Variants in FAR2 observed in about 807,000 individuals in gnomAD.
FAR2 encodes fatty acyl-CoA reductase 2, also known as epididymis secretory protein Li 81.
FAR2 carries 19 observed loss-of-function variants against 56.0 expected under a neutral mutation model. The ratio of observed to expected loss-of-function variants is 0.34; its 90% CI spans 0.24 to 0.50. The LOEUF (loss-of-function observed/expected upper bound fraction) is 0.50. Among genes scored for constraint, FAR2 ranks in the 20% least tolerant of loss-of-function variants. The probability of loss-of-function intolerance (pLI) is 0.98; values close to 1 mark genes in which losing one functional copy is unlikely to be tolerated. For synonymous variants in FAR2, 219 were observed against 218.8 expected (o/e 1.00, Z -0.01); for missense variants, 508 against 642.2 (o/e 0.79, Z 2.26).
In FAR2 at chr12:29,190,647, T is replaced by A. The variant is rs954698541; in HGVS notation, c.-39+41240T>A. Among the ~76,000 whole-genome samples the A allele has an allele frequency of 7.9e-5, 12 of 151,964 alleles. 1 individual carries two copies. Among genetic ancestry groups the A allele is most frequent in the African/African-American group, 2.9e-4 (12 of 41,378 alleles). The stretch of plus-strand genomic sequence containing the variant: ...ACCCGGCTAATTTTTTGTAGTTTAG[T>A]AGAGACGGGTTTTCACTGTGTTAGC... On this transcript the variant is annotated intron_variant, in intron 1 of 11. Coordinates refer to ENST00000536681, the MANE Select transcript of FAR2 (RefSeq NM_001271783.2).
chr12:29,194,053 T>C (rs1238451299), intron 1 of FAR2, among the ~76,000 whole-genome samples: 3 of 152,178 alleles, frequency 2.0e-5, no homozygotes, highest in Non-Finnish European at 4.4e-5. Context: ...GGCATGTCAA[T>C]TTTCTCTTGC....
intron 1 of FAR2, among the ~76,000 whole-genome samples, chr12:29,193,092 T>G (rs1950115708): frequency 6.6e-6 from 1 of 152,192 alleles, no homozygotes; most frequent in Non-Finnish European, 1.5e-5. Flanking sequence ...GCTTTTATTT[T>G]TTTTTAGCAG....
At chr12:29,206,885 G>A (rs1947482780) in intron 1 of FAR2, among the ~76,000 whole-genome samples, 1 of 151,944 alleles carries the variant, frequency 6.6e-6, no homozygotes, top group Non-Finnish European at 1.5e-5. Context: ...AACCCACCCT[G>A]GACATAAGGG....
chr12:29,260,465 G>A (rs1462097883), intron 1 of FAR2, among the ~76,000 whole-genome samples: 1 of 152,200 alleles, frequency 6.6e-6, no homozygotes, highest in Admixed American at 6.5e-5. Context: ...AAAGCACTCA[G>A]TGTACTCTGC....
rs190496117 is a variant in FAR2, at chr12:29,189,289, A to C, written c.-39+39882A>C. Among the ~76,000 whole-genome samples the C allele has an allele frequency of 1.4e-3, 213 of 152,358 alleles. 1 individual carries two copies. The South Asian group carries it at 0.02, about 14-fold the overall frequency. On this transcript the variant is annotated intron_variant, in intron 1 of 11. Coordinates refer to ENST00000536681, the MANE Select transcript of FAR2 (RefSeq NM_001271783.2). The stretch of plus-strand genomic sequence containing the variant: ...ATAATTATATCATACTTTGTGTAAT[A>C]ATCCAAATACTACGTTATTTATTTT...
intron 1 of FAR2, among the ~76,000 whole-genome samples, chr12:29,221,325 A>C (rs574453834): frequency 6.6e-6 from 1 of 152,132 alleles, no homozygotes; most frequent in South Asian, 2.1e-4. Flanking sequence ...CCTGACCATC[A>C]TCTGATGGTT....
At chr12:29,319,252 A>C (rs573889558) in intron 9 of FAR2, among the ~76,000 whole-genome samples, 18 of 152,022 alleles carry the variant, frequency 1.2e-4, no homozygotes, top group Non-Finnish European at 1.5e-4. Context: ...CGGCCTCCCA[A>C]AGTGCTGGGA....
intron 2 of FAR2, among the ~76,000 whole-genome samples, chr12:29,271,549 G>A (rs950228110): frequency 1.3e-5 from 2 of 152,186 alleles, no homozygotes; most frequent in Non-Finnish European, 2.9e-5. Context: ...TTTCCAGTGT[G>A]TAGGAATGTT....
chr12:29,184,330 G>C (rs1300947485), intron 1 of FAR2, among the ~76,000 whole-genome samples: 1 of 147,758 alleles, frequency 6.8e-6, no homozygotes, highest in African/African-American at 2.5e-5. Context: ...CAGAGTTCAA[G>C]ACTGTACTTC....
intron 1 of FAR2, among the ~76,000 whole-genome samples, chr12:29,254,090 G>T (rs1948276919): frequency 6.6e-6 from 1 of 152,122 alleles, no homozygotes; most frequent in Non-Finnish European, 1.5e-5. Context: ...TTCCAAATTG[G>T]TTTTTCTTGA....
At chr12:29,216,554 A>G (rs1947623697) in intron 1 of FAR2, among the ~76,000 whole-genome samples, 1 of 152,176 alleles carries the variant, frequency 6.6e-6, no homozygotes, top group African/African-American at 2.4e-5. Context: ...AAAATTTTAC[A>G]TGTGAGCGCC....
rs184167155 is a variant in FAR2 at position 29,253,189 on chromosome 12, A to C, written c.-38-17223A>C. Among the ~76,000 whole-genome samples the C allele has an allele frequency of 1.5e-3, 148 of 97,694 alleles. 9 individuals are homozygous for C. In the South Asian group the frequency reaches 0.017, roughly 11 times the overall value. 64.1% of individuals were successfully genotyped at this position (97,694 alleles called of 152,430 possible). On this transcript the variant is annotated intron_variant, in intron 1 of 11. Transcript: ENST00000536681. The stretch of plus-strand genomic sequence containing the variant: ...TCTTTCTCTCCCTATCTCTCTCTCT[A>C]TCTATCTATCTAGATAGGTATCTAT...
At chr12:29,209,883 T>A (rs1947523532) in intron 1 of FAR2, among the ~76,000 whole-genome samples, 1 of 152,184 alleles carries the variant, frequency 6.6e-6, no homozygotes, top group African/African-American at 2.4e-5. Flanking sequence ...TTTCTTATGC[T>A]TTTCTTACTT....
At chr12:29,190,018 A>G (rs1200346402) in intron 1 of FAR2, among the ~76,000 whole-genome samples, 2 of 152,148 alleles carry the variant, frequency 1.3e-5, no homozygotes, top group Admixed American at 6.5e-5. Flanking sequence ...AGGACAACTC[A>G]TGGATTGGAG....
rs1031562847 is a variant in FAR2 at position 29,332,750 on chromosome 12, T to C, written c.1385+23T>C. 5 of 1,603,852 alleles carry C rather than the reference T, an allele frequency of 3.1e-6. No homozygotes were observed. The African/African-American group carries it at 4.0e-5, about 13-fold the overall frequency. On this transcript the variant is annotated intron_variant, in intron 11 of 11. Coordinates refer to ENST00000536681, the MANE Select transcript of FAR2 (RefSeq NM_001271783.2). Reference sequence around the variant, plus strand: ...AAGGTAAGTATAATCAGTCAGTTAATATTTATTGAGCACCTACTGTGCATC... The same window carrying C: ...AAGGTAAGTATAATCAGTCAGTTAACATTTATTGAGCACCTACTGTGCATC...
At chr12:29,193,540 C>G (rs185817258) in intron 1 of FAR2, among the ~76,000 whole-genome samples, 1 of 152,164 alleles carries the variant, frequency 6.6e-6, no homozygotes, top group Non-Finnish European at 1.5e-5. Context: ...CAGTAATATG[C>G]TTTTAAGTTT....
At chr12:29,218,935 A>T (rs980766061) in intron 1 of FAR2, among the ~76,000 whole-genome samples, 8 of 152,144 alleles carry the variant, frequency 5.3e-5, no homozygotes, top group Admixed American at 4.6e-4. Flanking sequence ...TCTGTCGCCC[A>T]GGCTGGAGTG....
chr12:29,283,335 A>G (rs1308480304), intron 2 of FAR2, among the ~76,000 whole-genome samples: 1 of 152,190 alleles, frequency 6.6e-6, no homozygotes, highest in African/African-American at 2.4e-5. Context: ...TCAAATTAGA[A>G]TTATGATTAT....
At chr12:29,314,140 A>C (rs1230277516) in intron 8 of FAR2, among the ~76,000 whole-genome samples, 1 of 152,196 alleles carries the variant, frequency 6.6e-6, no homozygotes, top group Non-Finnish European at 1.5e-5. Flanking sequence ...GCCAAATTAA[A>C]CTTTCTACAT....
Sources: gnomAD v4.1 joint callset for allele counts (sites outside exome capture counted in the v4.1 genomes callset) on GRCh38, gnomAD v4.1.1 for gene constraint, MANE v1.5 for transcripts, NCBI Gene and HGNC (gene_info 2026-07-23, HGNC 2026-07-21) for gene names.